Variants in PTPN22 observed in about 807,000 individuals in gnomAD.
PTPN22 encodes tyrosine-protein phosphatase non-receptor type 22.
PTPN22 carries 85 observed loss-of-function variants against 103.3 expected under a neutral mutation model. The ratio of observed to expected loss-of-function variants is 0.82; its 90% confidence interval spans 0.69 to 0.99. The LOEUF is 0.99. Among genes scored for constraint, PTPN22 ranks in the 50% least tolerant of loss-of-function variants. The pLI is 0.00. For missense variants in PTPN22, 865 were observed against 936.9 expected, an observed-to-expected ratio of 0.92 and a Z score of 1.00; for synonymous variants, 323 against 310.2, an observed-to-expected ratio of 1.04 and a Z score of -0.43.
chr1:113,852,179 A>T, intron 9 of PTPN22, 75 bp from the exon 10 acceptor site: 1 of 1,110,162 alleles, frequency 9.0e-7, no homozygotes, highest in Admixed American at 2.0e-5. Context: ...ATAGTCTTGT[A>T]CTTCCATGGC....
At chr1:113,815,654 T>C (rs1661088788) in intron 20 of PTPN22, among the ~76,000 whole-genome samples, 1 of 152,170 alleles carries the variant, frequency 6.6e-6, no homozygotes, top group Admixed American at 6.5e-5. Context: ...TTATGACTTT[T>C]CTTTTTGATG....
intron 7 of PTPN22, 60 bp from the exon 8 acceptor site, chr1:113,855,109 G>T (rs1664930790): frequency 5.5e-6 from 8 of 1,443,826 alleles, no homozygotes; most frequent in Non-Finnish European, 6.8e-6. Flanking sequence ...CCACCTATTG[G>T]GTATTATGCT....
chr1:113,853,479 T>A (rs1664752439), intron 9 of PTPN22, among the ~76,000 whole-genome samples: 1 of 150,110 alleles, frequency 6.7e-6, no homozygotes, highest in Admixed American at 6.7e-5. Flanking sequence ...GCCTCCCGAG[T>A]AGCTGGTATT....
exon 8 of PTPN22, chr1:113,854,966 G>A (rs755509999): frequency 1.2e-5 from 19 of 1,609,584 alleles, no homozygotes; most frequent in Non-Finnish European, 1.5e-5. Flanking sequence ...CATCCCAGAT[G>A]AGCTCAAGAA....
intron 1 of PTPN22, among the ~76,000 whole-genome samples, chr1:113,867,801 T>A (rs977871318): frequency 6.6e-6 from 1 of 152,238 alleles, no homozygotes; most frequent in African/African-American, 2.4e-5. Flanking sequence ...ATAAGCAGCA[T>A]GGCACTGGCT....
intron 18 of PTPN22, 92 bp from the exon 19 acceptor site, chr1:113,825,264 T>A: frequency 1.2e-6 from 1 of 853,408 alleles, no homozygotes. Context: ...GAAAAGAATT[T>A]AATTTCCTTA....
Position 113,859,086 on chromosome 1 carries a change from A to G in PTPN22, c.197-8T>C, listed in dbSNP as rs772038691. ...CTACCCGGCTATAATCATCTATAAT[A>G]CAAAAGACAGACATAGTACAATTAA... On this transcript the variant is annotated splice_region_variant and splice_polypyrimidine_tract_variant and intron_variant, in intron 2 of 20. Coordinates refer to ENST00000359785, the Ensembl canonical transcript of PTPN22. The G allele has an allele frequency of 8.7e-6, 14 of 1,613,006 alleles. No homozygotes were observed. Among genetic ancestry groups the G allele is most frequent in the African/African-American group, 5.3e-5 (4 of 74,908 alleles).
At chr1:113,816,347 G>T (rs1330316475) in intron 20 of PTPN22, among the ~76,000 whole-genome samples, 1 of 151,176 alleles carries the variant, frequency 6.6e-6, no homozygotes, top group Non-Finnish European at 1.5e-5. Flanking sequence ...ATGGTGGCTT[G>T]CACCTCTGGT....
At position 113,825,132 on chromosome 1, in the gene PTPN22, A is replaced by AC. The variant is rs1481214916; in HGVS notation, c.2281+9dup. 2.0e-6 allele frequency: 3 copies of AC among 1,487,616 alleles called. No individual in the cohort carries two copies. The highest frequency in any genetic ancestry group is 2.8e-6 in the Non-Finnish European group (3 of 1,084,694). The allele number at this position is 1,487,616 out of a possible 1,614,324, so 92.2% of individuals were successfully genotyped here. ...GAAAACGATATTTTTAAACATAAGT[A>AC]CCAACTTACTCTTTTTCATGTTTCG... On this transcript the variant is annotated intron_variant, in intron 19 of 20. Coordinates refer to ENST00000359785, the Ensembl canonical transcript of PTPN22.
intron 11 of PTPN22, among the ~76,000 whole-genome samples, chr1:113,841,695 T>C (rs1046669701): frequency 4.6e-5 from 7 of 151,224 alleles, no homozygotes; most frequent in Admixed American, 6.6e-5. Flanking sequence ...CTCTGCCTCC[T>C]GGGGTCCAGC....
rs373794502 is a variant in PTPN22 at position 113,856,566 on chromosome 1, G to A, written c.462C>T (p.Gly154=). ...CACTTACACAGGATACAGAGAAAGGGCCAAATTCCAGCTGCATCTCTCCTG... is the reference window on the plus strand; with the variant it reads ...CACTTACACAGGATACAGAGAAAGGACCAAATTCCAGCTGCATCTCTCCTG... The change falls in exon 6 of 21, where the codon GGC becomes GGT. Residue 154 remains glycine, a synonymous_variant. Transcript: ENST00000359785. 166 of 1,614,014 alleles carry A rather than the reference G, an allele frequency of 1.0e-4. No homozygotes were observed. Among genetic ancestry groups the A allele is most frequent in the Non-Finnish European group, 1.3e-4 (148 of 1,180,024 alleles).
At chr1:113,855,110 G>A (rs1047498885) in intron 7 of PTPN22, 61 bp from the exon 8 acceptor site, 37 of 1,440,982 alleles carry the variant, frequency 2.6e-5, no homozygotes, top group Non-Finnish European at 3.6e-5. Flanking sequence ...CACCTATTGG[G>A]TATTATGCTC....
At chr1:113,843,057 G>A (rs71662845) in intron 11 of PTPN22, among the ~76,000 whole-genome samples, 25,145 of 115,260 alleles carry the variant, frequency 0.22, 3,242 homozygotes, top group Middle Eastern at 0.39. Flanking sequence ...CCGAGATCCC[G>A]CCACTGCACT....
At chr1:113,829,691 A>G in exon 18 of PTPN22, 1 of 1,584,748 alleles carries the variant, frequency 6.3e-7, no homozygotes, top group Non-Finnish European at 8.6e-7. Flanking sequence ...ATGTTTCTAT[A>G]GATTGGGCCT....
chr1:113,834,183 C>G (rs975770894), intron 15 of PTPN22, 126 bp downstream of exon 15: 1 of 1,051,598 alleles, frequency 9.5e-7, no homozygotes. Context: ...TCCCAACATC[C>G]TCTAGCACAT....
chr1:113,856,508 G>A (rs1447361769), intron 6 of PTPN22, 40 bp downstream of exon 6: 3 of 1,614,074 alleles, frequency 1.9e-6, no homozygotes, highest in East Asian at 2.2e-5. Context: ...GGTAGACCCT[G>A]GAGGCTTTAC....
At chr1:113,865,366 G>T (rs1170562665) in intron 1 of PTPN22, among the ~76,000 whole-genome samples, 2 of 151,804 alleles carry the variant, frequency 1.3e-5, no homozygotes, top group African/African-American at 4.8e-5. Context: ...CAGAGGTTAA[G>T]AGGCTTTGAA....
chr1:113,852,921 G>A (rs1291976148), intron 9 of PTPN22, among the ~76,000 whole-genome samples: 1 of 152,084 alleles, frequency 6.6e-6, no homozygotes, highest in African/African-American at 2.4e-5. Flanking sequence ...GTTTCCTTGG[G>A]TTTTGATTTT....
intron 16 of PTPN22, 148 bp downstream of exon 16, chr1:113,832,963 T>G (rs1662676090): frequency 1.3e-6 from 1 of 752,686 alleles, no homozygotes; most frequent in South Asian, 1.7e-5. Context: ...ACAAAATTTC[T>G]AGTCTGGGAA....
Sources: gnomAD v4.1 joint callset for allele counts (sites outside exome capture counted in the v4.1 genomes callset) on GRCh38, gnomAD v4.1.1 for gene constraint, MANE v1.5 for transcripts, NCBI Gene and HGNC (gene_info 2026-07-23, HGNC 2026-07-21) for gene names.